The following ZNF799 variants were observed in gnomAD, a reference collection of about 807,000 sequenced individuals.
ZNF799 encodes the protein zinc finger protein 799.
A neutral mutation model predicts 41.0 loss-of-function variants in ZNF799; 28 were observed. That is an observed-to-expected ratio of 0.68 (90% CI 0.51 to 0.94). The LOEUF is 0.94. ZNF799 is among the 40% of genes least tolerant of loss of function. The pLI is 0.00. For synonymous variants in ZNF799, 213 were observed against 252.9 expected, an observed-to-expected ratio of 0.84 and a Z score of 1.50; for missense variants, 716 against 764.3, an observed-to-expected ratio of 0.94 and a Z score of 0.74.
At chr19:12,407,998 A>G in the ZNF799 span, among the ~76,000 whole-genome samples, 7 of 152,244 alleles carry the variant, frequency 4.6e-5, no homozygotes, top group African/African-American at 1.7e-4. Flanking sequence ...CTCTATAAAA[A>G]TTTTAAAAAT....
At chr19:12,411,480 A>AGATAACCAT in the ZNF799 span, among the ~76,000 whole-genome samples, 1 of 152,176 alleles carries the variant, frequency 6.6e-6, no homozygotes, top group Non-Finnish European at 1.5e-5. Context: ...ACAGGGACAA[A>AGATAACCAT]TGGTTATCTT....
the ZNF799 span, among the ~76,000 whole-genome samples, chr19:12,414,460 G>A: frequency 5.3e-5 from 8 of 152,224 alleles, no homozygotes; most frequent in East Asian, 1.2e-3. Flanking sequence ...CTGTCCAGTG[G>A]AGCCATCCCC....
upstream of ZNF799, among the ~76,000 whole-genome samples, chr19:12,403,421 T>A (rs1458358862): frequency 6.6e-6 from 1 of 152,148 alleles, no homozygotes; most frequent in Non-Finnish European, 1.5e-5. Context: ...CATTTCAAAT[T>A]CATTTATTTC....
upstream of ZNF799, among the ~76,000 whole-genome samples, chr19:12,402,488 A>T (rs925711987): frequency 9.9e-5 from 15 of 151,378 alleles, no homozygotes; most frequent in Admixed American, 9.2e-4. Context: ...CAGTGGTAAA[A>T]GTGGGCATTC....
intron 1 of ZNF799, among the ~76,000 whole-genome samples, chr19:12,398,566 A>C (rs1435048050): frequency 1.3e-5 from 2 of 152,180 alleles, no homozygotes; most frequent in Non-Finnish European, 2.9e-5. Context: ...ATACAGTTAA[A>C]AATAATTATA....
At chr19:12,402,816 T>C (rs1179361015), upstream of ZNF799, among the ~76,000 whole-genome samples, 1 of 152,078 alleles carries the variant, frequency 6.6e-6, no homozygotes, top group Non-Finnish European at 1.5e-5. Context: ...CTTTTTGGTG[T>C]ATTGTTAAAT....
At chr19:12,406,168 C>CAAAA (rs940819306), upstream of ZNF799, among the ~76,000 whole-genome samples, 1 of 58,986 alleles carries the variant, frequency 1.7e-5, no homozygotes, top group African/African-American at 5.1e-5. Flanking sequence ...GACTCTGTCT[C>CAAAA]AAAAAAAAAA....
chr19:12,413,927 C>T, the ZNF799 span, among the ~76,000 whole-genome samples: 6 of 152,302 alleles, frequency 3.9e-5, no homozygotes, highest in African/African-American at 9.6e-5. Context: ...CCCCTCCTCC[C>T]GTCTCCGGAC....
At chr19:12,395,316 A>G (rs1969879020) in intron 1 of ZNF799, among the ~76,000 whole-genome samples, 1 of 151,740 alleles carries the variant, frequency 6.6e-6, no homozygotes, top group Admixed American at 6.6e-5. Context: ...CAACTTTTGT[A>G]TTTTTACTAG....
chr19:12,391,408 C>G lies in ZNF799; in HGVS notation c.990G>C (p.Met330Ile). ...HLGSFQRHMV[M>I]HTRDGPHKCK... ...ACTTATGAGGTCCATCTCTCGTGTG[C>G]ATTACCATGTGTCTTTGAAAGCTTC... Residue 330 changes from methionine (M) to isoleucine (I), a missense_variant, in exon 4 of 4, where the codon ATG becomes ATC. Physicochemically the swap from Met to Ile is conservative, Grantham distance 10 (BLOSUM62 1). Coordinates refer to ENST00000430385, the MANE Select transcript of ZNF799 (RefSeq NM_001080821.3). The G allele has an allele frequency of 6.2e-7, 1 of 1,614,100 alleles. No individual in the cohort carries two copies. The highest frequency in any genetic ancestry group is 2.2e-5 in the East Asian group (1 of 44,856).
chr19:12,402,610 A>T (rs111407802), upstream of ZNF799, among the ~76,000 whole-genome samples: 1 of 79,366 alleles, frequency 1.3e-5, no homozygotes, highest in Non-Finnish European at 2.6e-5. Context: ...AGCTGCTTCT[A>T]TACCCAGTTT....
At chr19:12,403,232 G>C (rs1188684959), upstream of ZNF799, among the ~76,000 whole-genome samples, 2 of 152,012 alleles carry the variant, frequency 1.3e-5, no homozygotes, top group African/African-American at 4.8e-5. Context: ...GTTGTTCTTA[G>C]TTGCATTAAT....
intron 1 of ZNF799, chr19:12,398,163 G>T (rs1969927719): frequency 6.6e-6 from 1 of 152,310 alleles, no homozygotes; most frequent in South Asian, 2.1e-4. Context: ...GGAGGCTGAG[G>T]CAGGAGAATC....
intron 1 of ZNF799, among the ~76,000 whole-genome samples, chr19:12,395,970 C>T (rs1409388899): frequency 6.6e-6 from 1 of 152,192 alleles, no homozygotes; most frequent in Non-Finnish European, 1.5e-5. Context: ...TCAGTTTCTA[C>T]AACAAATAAG....
At chr19:12,400,802 T>A (rs2144909715) in intron 1 of ZNF799, 1 of 591,838 alleles carries the variant, frequency 1.7e-6, no homozygotes, top group Admixed American at 3.2e-5. Flanking sequence ...AGCCGCACAA[T>A]CTCGGGAGAC....
At chr19:12,400,887 C>G (rs1316804146) in intron 1 of ZNF799, 181 bp downstream of exon 1, 1 of 1,106,724 alleles carries the variant, frequency 9.0e-7, no homozygotes, top group Admixed American at 2.2e-5. Flanking sequence ...GGACAGGACG[C>G]CCGGGGTCCC....
At chr19:12,407,813 CA>C in the ZNF799 span, among the ~76,000 whole-genome samples, 5 of 152,116 alleles carry the variant, frequency 3.3e-5, no homozygotes, top group Non-Finnish European at 7.4e-5. Context: ...ACTAAAGGTC[CA>C]TTCATTGTGA....
chr19:12,391,395 C>T lies in ZNF799; in HGVS notation c.1003G>A (p.Gly335Arg), dbSNP rs1407526151. Residue 335 changes from glycine (G) to arginine (R), a missense_variant, in exon 4 of 4, where the codon GGA (glycine) becomes AGA (arginine). Around this residue, in one of 2 missense-constraint regions of ZNF799, gnomAD observed 698 missense variants for 713.6 expected, o/e 0.98. Transcript: ENST00000430385. ...QRHMVMHTRDGPHKCKICGKG... is the reference protein window; with the variant it reads ...QRHMVMHTRDRPHKCKICGKG... ...CCACATATCTTACACTTATGAGGTC[C>T]ATCTCTCGTGTGCATTACCATGTGT... 1.9e-6 allele frequency: 3 copies of T among 1,613,988 alleles called. No individual in the cohort carries two copies. Among genetic ancestry groups the T allele is most frequent in the Admixed American group, 1.7e-5 (1 of 60,008 alleles).
the ZNF799 span, among the ~76,000 whole-genome samples, chr19:12,413,584 G>A: frequency 1.3e-5 from 2 of 152,178 alleles, no homozygotes; most frequent in Non-Finnish European, 2.9e-5. Flanking sequence ...TAAAAGATAA[G>A]TCTTTGTAAG....
Sources: allele counts gnomAD v4.1 joint callset (sites outside exome capture counted in the v4.1 genomes callset), GRCh38; gene constraint gnomAD v4.1.1; regional missense constraint gnomAD v4.1.1; transcripts MANE v1.5; gene names NCBI Gene and HGNC (gene_info 2026-07-23, HGNC 2026-07-21).